ZNF385D: variants seen among roughly 807,000 people sequenced by gnomAD.
The protein encoded by ZNF385D is zinc finger protein 385D.
In ZNF385D, 15 loss-of-function variants were observed where a neutral mutation model predicts 35.8. The observed-to-expected ratio is 0.42, with a 90% CI of 0.28 to 0.64. ZNF385D has a LOEUF of 0.64. Among genes scored for constraint, ZNF385D ranks in the 30% least tolerant of loss-of-function variants. The probability of loss-of-function intolerance (pLI) is 0.23; values close to 1 mark genes in which losing one functional copy is unlikely to be tolerated. For synonymous variants in ZNF385D, 212 were observed against 186.8 expected (o/e 1.13, Z -1.10); for missense variants, 474 against 494.6 (o/e 0.96, Z 0.39).
At chr3:22,264,845 T>C (rs1442001272) in intron 2 of ZNF385D, among the ~76,000 whole-genome samples, 1 of 139,508 alleles carries the variant, frequency 7.2e-6, no homozygotes, top group African/African-American at 2.5e-5. Flanking sequence ...TTTAGATATC[T>C]AAAATTCCAT....
chr3:22,251,529 G>T (rs924163143), intron 2 of ZNF385D, among the ~76,000 whole-genome samples: 1 of 152,062 alleles, frequency 6.6e-6, no homozygotes, highest in South Asian at 2.1e-4. Flanking sequence ...CTTAGACCAG[G>T]ATTTCTCAGC....
At chr3:22,213,684 T>A (rs184111147) in intron 2 of ZNF385D, among the ~76,000 whole-genome samples, 47 of 152,166 alleles carry the variant, frequency 3.1e-4, no homozygotes, top group Non-Finnish European at 6.2e-4. Context: ...GTTCATTAAG[T>A]CACTATAACT....
At chr3:21,928,943 C>A (rs1700875369) in intron 3 of ZNF385D, among the ~76,000 whole-genome samples, 1 of 152,034 alleles carries the variant, frequency 6.6e-6, no homozygotes, top group South Asian at 2.1e-4. Flanking sequence ...TTCAAGGAAA[C>A]AGAGAAGGTG....
chr3:21,592,703 G>C (rs1420528599), intron 2 of ZNF385D, among the ~76,000 whole-genome samples: 1 of 152,146 alleles, frequency 6.6e-6, no homozygotes, highest in Non-Finnish European at 1.5e-5. Context: ...GAAAGGAATG[G>C]CAACTTCTGT....
At chr3:22,331,190 G>C (rs982082308) in intron 2 of ZNF385D, among the ~76,000 whole-genome samples, 14 of 152,222 alleles carry the variant, frequency 9.2e-5, no homozygotes, top group African/African-American at 3.4e-4. Context: ...CTAAACATCA[G>C]TAATGCAGGC....
intron 3 of ZNF385D, among the ~76,000 whole-genome samples, chr3:21,757,484 G>A (rs1165668136): frequency 1.3e-5 from 2 of 152,070 alleles, no homozygotes; most frequent in African/African-American, 4.8e-5. Context: ...TTGATAGACA[G>A]CTAATAGGAG....
intron 3 of ZNF385D, among the ~76,000 whole-genome samples, chr3:21,969,178 G>C (rs1368093793): frequency 6.6e-6 from 1 of 152,072 alleles, no homozygotes; most frequent in African/African-American, 2.4e-5. Context: ...GTGTGACTTG[G>C]GTGGCAGCTC....
chr3:21,617,731 T>A (rs901014900), intron 2 of ZNF385D, among the ~76,000 whole-genome samples: 1 of 152,114 alleles, frequency 6.6e-6, no homozygotes. Flanking sequence ...TTGATGTCTA[T>A]CAAACTGTTT....
intron 3 of ZNF385D, among the ~76,000 whole-genome samples, chr3:21,543,804 T>C (rs2062272611): frequency 6.6e-6 from 1 of 152,220 alleles, no homozygotes; most frequent in Non-Finnish European, 1.5e-5. Context: ...TATCGCTGTT[T>C]ATATTTTCTG....
chr3:21,817,518 A>G (rs1276465661), intron 3 of ZNF385D, among the ~76,000 whole-genome samples: 1 of 152,222 alleles, frequency 6.6e-6, no homozygotes, highest in Non-Finnish European at 1.5e-5. Context: ...GGTGAAGGAT[A>G]TGAACAGACA....
intron 3 of ZNF385D, among the ~76,000 whole-genome samples, chr3:22,024,951 T>C (rs549526115): frequency 2.0e-5 from 3 of 152,102 alleles, no homozygotes; most frequent in African/African-American, 7.2e-5. Flanking sequence ...TGTGGAAAAA[T>C]AGACACAAGC....
At chr3:22,115,746 A>G (rs1334026559) in intron 3 of ZNF385D, among the ~76,000 whole-genome samples, 4 of 152,092 alleles carry the variant, frequency 2.6e-5, no homozygotes, top group African/African-American at 7.2e-5. Context: ...GCAAAGAAAA[A>G]TATGTACAGC....
At chr3:21,651,160 C>T (rs1424580870) in intron 2 of ZNF385D, among the ~76,000 whole-genome samples, 3 of 150,396 alleles carry the variant, frequency 2.0e-5, no homozygotes, top group South Asian at 2.1e-4. Context: ...TGGTGGCGGG[C>T]GCCTGTAGTC....
intron 1 of ZNF385D, among the ~76,000 whole-genome samples, chr3:21,748,204 C>G (rs2069874780): frequency 6.6e-6 from 1 of 152,146 alleles, no homozygotes; most frequent in East Asian, 1.9e-4. Flanking sequence ...TTAGAAAGCT[C>G]TATTATTCTG....
Position 22,018,841 on chromosome 3 carries a change from T to G in ZNF385D, c.325+149976A>C, listed in dbSNP as rs187806424. 3.6e-4 allele frequency among the ~76,000 whole-genome samples: 55 copies of G among 152,012 alleles called. No individual in the cohort carries two copies. In the South Asian group the frequency reaches 0.011, roughly 31 times the overall value. On this transcript the variant is annotated intron_variant, in intron 3 of 5. Coordinates refer to the ZNF385D transcript ENST00000494108. The stretch of plus-strand genomic sequence containing the variant: ...GATTGATCCAGCTATTTCACAGAAA[T>G]GGGTGGAGTTTAATTGCTAATTTTT...
chr3:21,452,312 CA>C (rs1702508122), intron 4 of ZNF385D, among the ~76,000 whole-genome samples: 1 of 151,962 alleles, frequency 6.6e-6, no homozygotes, highest in Admixed American at 6.6e-5. Context: ...AATTTTGCCC[CA>C]TGTAAAAACT....
At chr3:21,651,196 G>A (rs1305797689) in intron 2 of ZNF385D, among the ~76,000 whole-genome samples, 1 of 147,206 alleles carries the variant, frequency 6.8e-6, no homozygotes, top group Non-Finnish European at 1.5e-5. Flanking sequence ...GCTGAAGCAG[G>A]AGAATGGCGT....
intron 3 of ZNF385D, among the ~76,000 whole-genome samples, chr3:21,897,074 G>A (rs1307205743): frequency 6.6e-6 from 1 of 152,142 alleles, no homozygotes; most frequent in African/African-American, 2.4e-5. Flanking sequence ...AAGTACACAT[G>A]AATACAGACC....
rs571099747 is a variant in ZNF385D, at chr3:21,664,989, C to T, written c.62G>A (p.Arg21His). ...TGGTTGCAAAGGAGGGGCTGGTGGA[C>T]GGACAAGGGCCGGGAGAGCAGGACT... is the stretch of plus-strand genomic sequence containing the variant. ...CQSPALPALV[R>H]PPAPPLQPSL... The change falls in exon 2 of 8, where the codon CGT (arginine) becomes CAT (histidine). Residue 21 changes from arginine (R) to histidine (H), a missense_variant. Arg to His is a conservative substitution (Grantham distance 29, BLOSUM62 0). Coordinates refer to ENST00000281523, the MANE Select transcript of ZNF385D (RefSeq NM_024697.3). 6.4e-5 allele frequency: 103 copies of T among 1,613,156 alleles called. No individual in the cohort carries two copies. The highest frequency in any genetic ancestry group is 8.5e-5 in the Non-Finnish European group (100 of 1,179,508).
Sources: allele counts gnomAD v4.1 joint callset (sites outside exome capture counted in the v4.1 genomes callset), GRCh38; gene constraint gnomAD v4.1.1; transcripts MANE v1.5; gene names NCBI Gene and HGNC (gene_info 2026-07-23, HGNC 2026-07-21).